DCHS2: variants seen among roughly 807,000 people sequenced by gnomAD.
DCHS2 encodes the protein protocadherin-23.
In DCHS2, 142 loss-of-function variants were observed where a neutral mutation model predicts 182.4. The observed-to-expected ratio is 0.78, with a 90% CI of 0.68 to 0.89. DCHS2 has a LOEUF of 0.89. DCHS2 is among the 40% of genes least tolerant of loss of function. The pLI is 0.00. For missense variants in DCHS2, 4,319 were observed against 4,198.6 expected, an observed-to-expected ratio of 1.03 and a Z score of -0.79; for synonymous variants, 1,740 against 1,663.3, an observed-to-expected ratio of 1.05 and a Z score of -1.12.
intron 2 of DCHS2, among the ~76,000 whole-genome samples, chr4:154,367,315 G>A (rs535979745): frequency 2.6e-5 from 4 of 152,266 alleles, no homozygotes; most frequent in Non-Finnish European, 4.4e-5. Flanking sequence ...GAGGGAGAAC[G>A]GGCAGGAGGA....
At chr4:154,309,108 T>G (rs1379853135) in intron 10 of DCHS2, among the ~76,000 whole-genome samples, 3 of 152,232 alleles carry the variant, frequency 2.0e-5, no homozygotes, top group Non-Finnish European at 4.4e-5. Context: ...CTTTCTGTTC[T>G]CTGAACATAC....
intron 14 of DCHS2, among the ~76,000 whole-genome samples, chr4:154,268,251 G>C (rs1408482329): frequency 7.0e-6 from 1 of 143,450 alleles, no homozygotes; most frequent in Admixed American, 7.0e-5. Context: ...AAAAAATAAC[G>C]CTTTACCACT....
chr4:154,448,102 G>T (rs1478711363), intron 1 of DCHS2, among the ~76,000 whole-genome samples: 1 of 152,130 alleles, frequency 6.6e-6, no homozygotes, highest in Non-Finnish European at 1.5e-5. Flanking sequence ...CTCTGAGGCT[G>T]CTTTCCCTCC....
chr4:154,449,493 C>T (rs1734444955), intron 1 of DCHS2, among the ~76,000 whole-genome samples: 1 of 152,014 alleles, frequency 6.6e-6, no homozygotes, highest in Admixed American at 6.6e-5. Context: ...ACCTCAGCCT[C>T]CCTAGTAGCT....
chr4:154,235,894 C>G lies in DCHS2; in HGVS notation c.8758G>C (p.Gly2920Arg). The G allele has an allele frequency of 3.1e-6, 5 of 1,613,868 alleles. No homozygotes were observed. The highest frequency in any genetic ancestry group is 4.2e-6 in the Non-Finnish European group (5 of 1,179,932). The change falls in exon 20 of 20, where the codon GGA becomes CGA. Residue 2920 changes from glycine (G) to arginine (R), a missense_variant. Physicochemically the swap from Gly to Arg is moderately radical, Grantham distance 125. Transcript: ENST00000357232. ...ACTGAAAAGAAAGGAGATGAGGTTCCAAGGGAGTAAAGAATGACTCCATCA... is the reference window on the plus strand; with the variant it reads ...ACTGAAAAGAAAGGAGATGAGGTTCGAAGGGAGTAAAGAATGACTCCATCA... ...GIDGVILYSLGTSSPFFSVNK... is the reference protein window; with the variant it reads ...GIDGVILYSLRTSSPFFSVNK...
At chr4:154,289,188 C>T (rs893677175) in intron 13 of DCHS2, among the ~76,000 whole-genome samples, 2 of 151,880 alleles carry the variant, frequency 1.3e-5, no homozygotes, top group Non-Finnish European at 2.9e-5. Context: ...ATCAACAAAC[C>T]TTTAGCCAGA....
intron 7 of DCHS2, among the ~76,000 whole-genome samples, chr4:154,326,324 TA>T (rs1365721399): frequency 6.6e-6 from 1 of 152,226 alleles, no homozygotes; most frequent in African/African-American, 2.4e-5. Flanking sequence ...CAGGAGTTCT[TA>T]ATAAATTCTG....
intron 19 of DCHS2, among the ~76,000 whole-genome samples, chr4:154,238,459 A>T (rs1194708573): frequency 1.3e-5 from 2 of 152,160 alleles, no homozygotes; most frequent in African/African-American, 4.8e-5. Context: ...TGCTAGGGAC[A>T]TTGTTTTGCT....
chr4:154,309,359 A>G (rs1361797917), intron 10 of DCHS2, among the ~76,000 whole-genome samples: 1 of 152,182 alleles, frequency 6.6e-6, no homozygotes, highest in Non-Finnish European at 1.5e-5. Flanking sequence ...AGAAGGACAG[A>G]AAATGGGACT....
intron 1 of DCHS2, among the ~76,000 whole-genome samples, chr4:154,403,249 G>A (rs1732265240): frequency 6.6e-6 from 1 of 152,062 alleles, no homozygotes; most frequent in Non-Finnish European, 1.5e-5. Flanking sequence ...CCTAATCTTA[G>A]GAGGAAAGCA....
chr4:154,245,367 G>A (rs1732024122), intron 16 of DCHS2, among the ~76,000 whole-genome samples: 1 of 152,058 alleles, frequency 6.6e-6, no homozygotes, highest in Non-Finnish European at 1.5e-5. Context: ...TAAATTCAGA[G>A]CATTTTTTTC....
intron 3 of DCHS2, among the ~76,000 whole-genome samples, chr4:154,339,689 C>T (rs1317991298): frequency 5.3e-5 from 8 of 152,106 alleles, no homozygotes; most frequent in Admixed American, 2.6e-4. Context: ...CCTTGTGATC[C>T]GCCCATCTCG....
chr4:154,287,047 C>T (rs1289259387), intron 13 of DCHS2, among the ~76,000 whole-genome samples: 1 of 152,072 alleles, frequency 6.6e-6, no homozygotes, highest in East Asian at 1.9e-4. Flanking sequence ...GAGAGGGTGG[C>T]ATGACATATT....
At chr4:154,310,116 A>C (rs1442647878) in intron 10 of DCHS2, among the ~76,000 whole-genome samples, 1 of 152,234 alleles carries the variant, frequency 6.6e-6, no homozygotes, top group Admixed American at 6.5e-5. Context: ...GTCAGATTTC[A>C]ACATAACTCA....
chr4:154,462,663 C>G (rs1253677714), intron 1 of DCHS2, among the ~76,000 whole-genome samples: 1 of 152,046 alleles, frequency 6.6e-6, no homozygotes, highest in Non-Finnish European at 1.5e-5. Flanking sequence ...CTGTTCCAAT[C>G]CAAAATGTTG....
In DCHS2 at chr4:154,259,770, C is replaced by T; in HGVS notation, c.6578-14G>A. On this transcript the variant is annotated splice_polypyrimidine_tract_variant and intron_variant, in intron 14 of 19. Transcript: ENST00000357232. Reference sequence around the variant, plus strand: ...CAGTGAGTTGTCCTATTTTTATTTCCAAGGAGAAAAAAAAGAAAATGATGT... The same window carrying T: ...CAGTGAGTTGTCCTATTTTTATTTCTAAGGAGAAAAAAAAGAAAATGATGT... 1 of 1,578,194 alleles carries T rather than the reference C, an allele frequency of 6.3e-7. No individual in the cohort carries two copies. Among genetic ancestry groups the T allele is most frequent in the Middle Eastern group, 1.7e-4 (1 of 5,866 alleles).
At chr4:154,320,189 G>A (rs1428501929) in intron 9 of DCHS2, among the ~76,000 whole-genome samples, 190 bp downstream of exon 9, 1 of 152,156 alleles carries the variant, frequency 6.6e-6, no homozygotes, top group Non-Finnish European at 1.5e-5. Flanking sequence ...CTGGATGGAA[G>A]GGAAAATGGG....
chr4:154,383,135 A>C (rs1731246449), intron 1 of DCHS2, among the ~76,000 whole-genome samples: 2 of 152,240 alleles, frequency 1.3e-5, no homozygotes, highest in South Asian at 2.1e-4. Context: ...GAACATATGC[A>C]CTATGGAATG....
At chr4:154,388,776 A>G (rs184485892) in intron 1 of DCHS2, among the ~76,000 whole-genome samples, 3 of 152,258 alleles carry the variant, frequency 2.0e-5, no homozygotes, top group Admixed American at 1.3e-4. Flanking sequence ...TTACAGGCGT[A>G]AGCCACTGCG....
Sources: allele counts gnomAD v4.1 joint callset (sites outside exome capture counted in the v4.1 genomes callset), GRCh38; gene constraint gnomAD v4.1.1; transcripts MANE v1.5; gene names NCBI Gene and HGNC (gene_info 2026-07-23, HGNC 2026-07-21).